ANO1: variants seen among roughly 807,000 people sequenced by gnomAD.
The protein encoded by ANO1 is anoctamin 1.
A neutral mutation model predicts 124.0 loss-of-function variants in ANO1; 59 were observed. The observed-to-expected ratio is 0.48, with a 90% CI of 0.39 to 0.59. The LOEUF is 0.59. ANO1 is among the 20% of genes least tolerant of loss of function. The pLI is 0.00. For missense variants in ANO1, 1,059 were observed against 1,328.0 expected (o/e 0.80, Z 3.15); for synonymous variants, 529 against 532.0 (o/e 0.99, Z 0.08).
intron 11 of ANO1, among the ~76,000 whole-genome samples, chr11:70,138,839 C>A (rs2047047879): frequency 6.6e-6 from 1 of 151,880 alleles, no homozygotes; most frequent in African/African-American, 2.4e-5. Flanking sequence ...CATGGGTAAA[C>A]TGCGTGCCGT....
At chr11:70,116,731 C>T (rs2045990705) in intron 8 of ANO1, among the ~76,000 whole-genome samples, 1 of 152,214 alleles carries the variant, frequency 6.6e-6, no homozygotes, top group African/African-American at 2.4e-5. Context: ...ATGCCCTTGG[C>T]AGGTGACCGT....
chr11:70,106,318 C>T (rs1473533519), intron 5 of ANO1, among the ~76,000 whole-genome samples: 1 of 152,238 alleles, frequency 6.6e-6, no homozygotes, highest in African/African-American at 2.4e-5. Flanking sequence ...ACCTGTCCAC[C>T]AGCCAAGCTG....
intron 16 of ANO1, 129 bp from the exon 17 acceptor site, chr11:70,161,032 T>C (rs2048020291): frequency 2.3e-6 from 2 of 870,824 alleles, no homozygotes; most frequent in South Asian, 1.8e-5. Context: ...GCCCAAGAAA[T>C]GTCAGTGCTT....
At chr11:70,115,788 T>C (rs2509186) in intron 7 of ANO1, among the ~76,000 whole-genome samples, 148,189 of 152,204 alleles carry the variant, frequency 0.97, 72,274 homozygotes, top group East Asian at 1. Context: ...TGAGTGTTTG[T>C]GAGGGTAACG....
At chr11:70,025,565 G>C (rs1484666561) in intron 1 of ANO1, among the ~76,000 whole-genome samples, 1 of 151,892 alleles carries the variant, frequency 6.6e-6, no homozygotes, top group African/African-American at 2.4e-5. Flanking sequence ...TGACAATGAT[G>C]ATGATGATGA....
chr11:70,092,979 T>TCCTTCTCTCTCTCCC lies in ANO1; in HGVS notation c.441+4895_441+4896insCCTTCTCTCTCTCCC, dbSNP rs1565190741. 4.3e-3 allele frequency among the ~76,000 whole-genome samples: 649 copies of TCCTTCTCTCTCTCCC among 151,220 alleles called. 8 individuals are homozygous for TCCTTCTCTCTCTCCC. Among genetic ancestry groups the TCCTTCTCTCTCTCCC allele is most frequent in the African/African-American group, 0.015 (609 of 41,136 alleles). On this transcript the variant is annotated intron_variant, in intron 2 of 25. Transcript: ENST00000355303. ...AAGAGAAGGGCCCTGAGGCAGGGCC[T>TCCTTCTCTCTCTCCC]TCCTTCTCTCTCTCCCTCCTTCTCT...
chr11:70,048,702 C>T (rs1469544943), intron 1 of ANO1, among the ~76,000 whole-genome samples: 2 of 150,100 alleles, frequency 1.3e-5, no homozygotes, highest in Non-Finnish European at 3.0e-5. Flanking sequence ...TTCTCCACCC[C>T]CCACCGCTGA....
intron 22 of ANO1, among the ~76,000 whole-genome samples, chr11:70,177,747 C>G (rs1211184253): frequency 2.0e-5 from 3 of 151,592 alleles, no homozygotes; most frequent in Non-Finnish European, 4.4e-5. Context: ...TTACAGGCGC[C>G]CGCCACCACA....
chr11:70,028,460 A>G (rs1213301688), intron 1 of ANO1, among the ~76,000 whole-genome samples: 1 of 135,136 alleles, frequency 7.4e-6, no homozygotes, highest in African/African-American at 2.8e-5. Flanking sequence ...GCCCTCCCCC[A>G]CCCCCAGTTC....
rs527280349 is a variant in ANO1, at chr11:70,125,298, G to A, written c.963-763G>A. 1.4e-4 allele frequency among the ~76,000 whole-genome samples: 22 copies of A among 151,792 alleles called. No homozygotes were observed. The East Asian group carries it at 2.1e-3, about 15-fold the overall frequency. On this transcript the variant is annotated intron_variant, in intron 9 of 25. Coordinates refer to ENST00000355303, the MANE Select transcript of ANO1 (RefSeq NM_018043.7). ...GCGGAGGTTGCAGTGAGCCGAGATC[G>A]CGCCACTGCACTGCAGCCTGGGCGA...
At chr11:70,083,710 C>T (rs1369894076) in intron 1 of ANO1, among the ~76,000 whole-genome samples, 1 of 152,156 alleles carries the variant, frequency 6.6e-6, no homozygotes, top group Admixed American at 6.5e-5. Flanking sequence ...TCCCTGCCAA[C>T]CAGGAGTGTT....
intron 1 of ANO1, among the ~76,000 whole-genome samples, chr11:70,000,082 C>A (rs1856352226): frequency 6.6e-6 from 1 of 152,132 alleles, no homozygotes; most frequent in Admixed American, 6.5e-5. Context: ...GGGGAATTCC[C>A]ATAAGAAAAC....
chr11:70,118,737 ATGAG>A (rs1477628930), intron 8 of ANO1, among the ~76,000 whole-genome samples: 4 of 149,490 alleles, frequency 2.7e-5, no homozygotes, highest in Non-Finnish European at 5.9e-5. Flanking sequence ...GGATGGGTGA[ATGAG>A]TGGATGGACA....
In ANO1 at chr11:70,087,944, C is replaced by A. The variant is rs907102650; in HGVS notation, c.301C>A (p.Leu101Met). 1.2e-6 allele frequency: 2 copies of A among 1,601,758 alleles called. No individual in the cohort carries two copies. The highest frequency in any genetic ancestry group is 3.4e-5 in the Admixed American group (2 of 58,662). ...GARSVKQDHP[L>M]PGKGASLDAG... ...TCGCAGCGTCAAGCAGGACCACCCC[C>A]TGCCGGGCAAGGGGGCGTCGCTGGA... Residue 101 changes from leucine (L) to methionine (M), a missense_variant, in exon 2 of 26, where the codon CTG becomes ATG. Coordinates refer to ENST00000355303, the MANE Select transcript of ANO1 (RefSeq NM_018043.7).
chr11:70,028,863 C>A (rs1555003482), intron 1 of ANO1, among the ~76,000 whole-genome samples: 1 of 152,170 alleles, frequency 6.6e-6, no homozygotes, highest in Non-Finnish European at 1.5e-5. Context: ...CTCACTGCAA[C>A]CTCTGCCTCC....
chr11:70,152,357 A>AAAATTT, intron 12 of ANO1, 93 bp from the exon 13 acceptor site: 1 of 922,376 alleles, frequency 1.1e-6, no homozygotes. Context: ...AAAAAAAAAA[A>AAAATTT]GTTGTCCTTA....
At chr11:70,179,959 T>C (rs758962779) in intron 22 of ANO1, 45 bp from the exon 23 acceptor site, 2 of 1,567,832 alleles carry the variant, frequency 1.3e-6, no homozygotes, top group East Asian at 2.2e-5. Flanking sequence ...CTGGAATGAC[T>C]GAGAGTGTAG....
chr11:70,010,470 G>A (rs910959000), intron 1 of ANO1, among the ~76,000 whole-genome samples: 1 of 151,656 alleles, frequency 6.6e-6, no homozygotes, highest in African/African-American at 2.4e-5. Context: ...TCCTGTGACC[G>A]GGACACCTCC....
chr11:70,044,466 A>C (rs1271186519), intron 1 of ANO1, among the ~76,000 whole-genome samples: 39 of 152,196 alleles, frequency 2.6e-4, no homozygotes, highest in Admixed American at 2.6e-3. Context: ...CCAGGTATAG[A>C]ACAAATTATT....
Sources: allele counts gnomAD v4.1 joint callset (sites outside exome capture counted in the v4.1 genomes callset), GRCh38; gene constraint gnomAD v4.1.1; transcripts MANE v1.5; gene names NCBI Gene and HGNC (gene_info 2026-07-23, HGNC 2026-07-21).